PRR16: variants seen among roughly 807,000 people sequenced by gnomAD.
The protein encoded by PRR16 is protein Largen.
Under a neutral mutation model 18.2 loss-of-function variants are expected in PRR16, and 6 were observed. That is an observed-to-expected ratio of 0.33 (90% CI 0.18 to 0.65). The LOEUF is 0.65. Ranked by LOEUF, PRR16 falls within the 30% of genes least tolerant of loss-of-function variation. The pLI, the probability that PRR16 is intolerant of heterozygous loss-of-function variation, is 0.74. For synonymous variants in PRR16, 151 were observed against 147.8 expected, an observed-to-expected ratio of 1.02 and a Z score of -0.16; for missense variants, 412 against 376.6, an observed-to-expected ratio of 1.09 and a Z score of -0.78.
At chr5:120,464,763 C>T in intron 1 of PRR16, 118 bp downstream of exon 1, 1 of 1,066,806 alleles carries the variant, frequency 9.4e-7, no homozygotes, top group Non-Finnish European at 1.3e-6. Context: ...ACAGAAAAGG[C>T]GCCTGCAGAC....
the PRR16 span, among the ~76,000 whole-genome samples, chr5:120,741,851 G>A: frequency 2.6e-5 from 4 of 152,100 alleles, no homozygotes; most frequent in Non-Finnish European, 2.9e-5. Context: ...TCCGCCTGCC[G>A]CAGCCTCCCA....
intron 1 of PRR16, among the ~76,000 whole-genome samples, chr5:120,675,272 G>A (rs1017843508): frequency 2.6e-5 from 4 of 152,156 alleles, no homozygotes; most frequent in African/African-American, 4.8e-5. Context: ...CTGTTAACCC[G>A]TACTCAGAGC....
At chr5:120,688,434 TCTG>T (rs1757172618), downstream of PRR16, among the ~76,000 whole-genome samples, 1 of 152,202 alleles carries the variant, frequency 6.6e-6, no homozygotes, top group Non-Finnish European at 1.5e-5. Flanking sequence ...AAATTTGTTA[TCTG>T]TATTATTAAT....
At chr5:120,505,239 T>C (rs1204237695) in intron 1 of PRR16, among the ~76,000 whole-genome samples, 1 of 152,188 alleles carries the variant, frequency 6.6e-6, no homozygotes, top group Non-Finnish European at 1.5e-5. Flanking sequence ...AACTCTAATG[T>C]CTAAAGAAAT....
intron 1 of PRR16, among the ~76,000 whole-genome samples, chr5:120,485,844 C>A (rs571865990): frequency 3.3e-5 from 5 of 152,242 alleles, no homozygotes; most frequent in African/African-American, 9.6e-5. Context: ...GTTCCCCTTC[C>A]TGTGTCCATG....
At chr5:120,684,172 G>A (rs1757052322) in intron 1 of PRR16, among the ~76,000 whole-genome samples, 1 of 152,202 alleles carries the variant, frequency 6.6e-6, no homozygotes, top group Non-Finnish European at 1.5e-5. Context: ...CAGATGTGAG[G>A]TTTGTGCTGT....
the PRR16 span, among the ~76,000 whole-genome samples, chr5:120,717,083 G>A: frequency 6.6e-6 from 1 of 151,136 alleles, no homozygotes; most frequent in African/African-American, 2.4e-5. Flanking sequence ...AGTTTGACAA[G>A]TATTTTGATG....
At chr5:120,626,612 A>C (rs894018491) in intron 1 of PRR16, among the ~76,000 whole-genome samples, 1 of 152,160 alleles carries the variant, frequency 6.6e-6, no homozygotes, top group African/African-American at 2.4e-5. Flanking sequence ...TATCATATGC[A>C]AATTTTGTCT....
chr5:120,525,813 G>C (rs1751327518), intron 1 of PRR16, among the ~76,000 whole-genome samples: 1 of 152,094 alleles, frequency 6.6e-6, no homozygotes, highest in African/African-American at 2.4e-5. Flanking sequence ...ATAGTTCAAA[G>C]GGTCAAGTTG....
At chr5:120,525,799 C>T (rs1383726533) in intron 1 of PRR16, among the ~76,000 whole-genome samples, 2 of 151,792 alleles carry the variant, frequency 1.3e-5, no homozygotes, top group African/African-American at 2.4e-5. Flanking sequence ...TAGGAGGACC[C>T]GGGATAGTTC....
chr5:120,697,905 A>G, the PRR16 span, among the ~76,000 whole-genome samples: 1 of 152,032 alleles, frequency 6.6e-6, no homozygotes, highest in African/African-American at 2.4e-5. Context: ...TTGTGGTGGA[A>G]TGTCATCAGT....
intron 1 of PRR16, among the ~76,000 whole-genome samples, chr5:120,494,615 A>G (rs1364995504): frequency 3.9e-5 from 6 of 152,260 alleles, no homozygotes; most frequent in Non-Finnish European, 5.9e-5. Context: ...TTTAAATTTA[A>G]TGAAGTTCAG....
the PRR16 span, among the ~76,000 whole-genome samples, chr5:120,774,092 A>C: frequency 6.6e-6 from 1 of 152,084 alleles, no homozygotes; most frequent in Non-Finnish European, 1.5e-5. Context: ...TGCTATGAAA[A>C]TATCAGTTTC....
At chr5:120,490,513 A>G (rs1022760213) in intron 1 of PRR16, among the ~76,000 whole-genome samples, 2 of 152,020 alleles carry the variant, frequency 1.3e-5, no homozygotes, top group African/African-American at 2.4e-5. Context: ...CAGGTCCTTT[A>G]AGGACTTCTC....
intron 1 of PRR16, among the ~76,000 whole-genome samples, chr5:120,557,866 G>A (rs376160475): frequency 6.6e-6 from 1 of 151,790 alleles, no homozygotes; most frequent in Non-Finnish European, 1.5e-5. Flanking sequence ...CATGCTACTT[G>A]GAACCTCATA....
At chr5:120,775,632 CTTT>C in the PRR16 span, among the ~76,000 whole-genome samples, 7 of 137,544 alleles carry the variant, frequency 5.1e-5, no homozygotes, top group Admixed American at 7.4e-5. Context: ...TTTCTTTCTC[CTTT>C]TTTTTTTTTT....
the PRR16 span, among the ~76,000 whole-genome samples, chr5:120,763,766 C>T: frequency 6.6e-6 from 1 of 152,002 alleles, no homozygotes; most frequent in African/African-American, 2.4e-5. Flanking sequence ...AGAGGTGTTT[C>T]ACTTTCTTGG....
chr5:120,710,215 G>A, the PRR16 span, among the ~76,000 whole-genome samples: 1 of 152,100 alleles, frequency 6.6e-6, no homozygotes. Context: ...TTTCCCTGAT[G>A]ACTTTGCATT....
intron 1 of PRR16, among the ~76,000 whole-genome samples, chr5:120,573,538 G>A (rs574640447): frequency 1.3e-5 from 2 of 152,160 alleles, no homozygotes; most frequent in African/African-American, 4.8e-5. Context: ...GACTAATTTA[G>A]TAAAGCTTTA....
Sources: allele counts gnomAD v4.1 joint callset (sites outside exome capture counted in the v4.1 genomes callset), GRCh38; gene constraint gnomAD v4.1.1; transcripts MANE v1.5; gene names NCBI Gene and HGNC (gene_info 2026-07-23, HGNC 2026-07-21).